The following ENTREP2 variants were observed in gnomAD, a reference collection of about 807,000 sequenced individuals.
The protein encoded by ENTREP2 is endosomal transmembrane epsin interactor 2, also known as protein ENTREP2.
chr15:29,299,734 CTCATGAGGATGTAAGCT>C, the ENTREP2 span, among the ~76,000 whole-genome samples: 2 of 152,082 alleles, frequency 1.3e-5, no homozygotes, highest in Non-Finnish European at 2.9e-5. Flanking sequence ...TATGTCTTCC[CTCATGAGGATGTAAGCT>C]TCATGAGGCA....
chr15:29,358,660 T>C, the ENTREP2 span, among the ~76,000 whole-genome samples: 1 of 151,888 alleles, frequency 6.6e-6, no homozygotes, highest in Non-Finnish European at 1.5e-5. Context: ...ATTTTAAACA[T>C]AACTGTCAGT....
chr15:29,619,802 A>C, the ENTREP2 span, among the ~76,000 whole-genome samples: 1 of 150,232 alleles, frequency 6.7e-6, no homozygotes, highest in Non-Finnish European at 1.5e-5. Context: ...TCATCCTCCC[A>C]CTCCTGGCCA....
the ENTREP2 span, among the ~76,000 whole-genome samples, chr15:29,215,162 G>T: frequency 6.6e-6 from 1 of 152,136 alleles, no homozygotes; most frequent in Non-Finnish European, 1.5e-5. Flanking sequence ...ATATTTTCCG[G>T]TTGGACAAGG....
chr15:29,297,165 C>T, the ENTREP2 span, among the ~76,000 whole-genome samples: 2 of 152,122 alleles, frequency 1.3e-5, no homozygotes, highest in Non-Finnish European at 2.9e-5. Context: ...AGACACTCAG[C>T]CGTATCACAT....
the ENTREP2 span, among the ~76,000 whole-genome samples, chr15:29,667,042 G>T: frequency 3.1e-4 from 47 of 152,142 alleles, no homozygotes; most frequent in East Asian, 8.1e-3. Context: ...TTCTTATAAA[G>T]ACACCAGTCA....
At chr15:29,183,474 T>A in the ENTREP2 span, among the ~76,000 whole-genome samples, 1 of 152,020 alleles carries the variant, frequency 6.6e-6, no homozygotes, top group East Asian at 1.9e-4. Context: ...CGCTGCCGAG[T>A]GCACATCACT....
chr15:29,206,795 C>T, the ENTREP2 span, among the ~76,000 whole-genome samples: 2 of 152,118 alleles, frequency 1.3e-5, no homozygotes, highest in Non-Finnish European at 2.9e-5. Flanking sequence ...TTGTATGATA[C>T]GTGAATTATA....
the ENTREP2 span, among the ~76,000 whole-genome samples, chr15:29,662,166 G>A: frequency 1.4e-5 from 2 of 141,606 alleles, no homozygotes; most frequent in Non-Finnish European, 3.0e-5. Context: ...AGCCAATATC[G>A]TGCAACCGCA....
the ENTREP2 span, among the ~76,000 whole-genome samples, chr15:29,118,994 T>C: frequency 6.6e-6 from 1 of 152,158 alleles, no homozygotes; most frequent in Non-Finnish European, 1.5e-5. Context: ...ACTGACCACC[T>C]TCACGGCCCA....
the ENTREP2 span, among the ~76,000 whole-genome samples, chr15:29,550,137 G>A: frequency 0.34 from 52,107 of 151,984 alleles, 9,128 homozygotes; most frequent in East Asian, 0.42. Flanking sequence ...TCTAGGCCCC[G>A]ACTCTGTCAA....
chr15:29,336,539 G>C, the ENTREP2 span, among the ~76,000 whole-genome samples: 1 of 152,210 alleles, frequency 6.6e-6, no homozygotes, highest in African/African-American at 2.4e-5. Flanking sequence ...TGAAACTCAT[G>C]AGCTCATGTG....
At chr15:29,600,902 CTTT>C in the ENTREP2 span, among the ~76,000 whole-genome samples, 1 of 123,616 alleles carries the variant, frequency 8.1e-6, no homozygotes, top group Non-Finnish European at 1.6e-5. Context: ...ATTTTTCTTT[CTTT>C]TTTTTTTTTT....
At chr15:29,329,219 C>T in the ENTREP2 span, among the ~76,000 whole-genome samples, 8 of 151,538 alleles carry the variant, frequency 5.3e-5, no homozygotes, top group Non-Finnish European at 1.0e-4. Context: ...AAAAATTAGC[C>T]GGGCATGGTG....
At chr15:29,263,631 G>A in the ENTREP2 span, among the ~76,000 whole-genome samples, 4 of 152,202 alleles carry the variant, frequency 2.6e-5, no homozygotes, top group South Asian at 2.1e-4. Flanking sequence ...TACACACAGC[G>A]GTGCTGTATT....
the ENTREP2 span, among the ~76,000 whole-genome samples, chr15:29,583,810 G>A: frequency 6.6e-6 from 1 of 152,284 alleles, no homozygotes; most frequent in South Asian, 2.1e-4. Flanking sequence ...TATAGATGGT[G>A]AGCACTGATA....
chr15:29,329,136 G>T, the ENTREP2 span, among the ~76,000 whole-genome samples: 1 of 152,140 alleles, frequency 6.6e-6, no homozygotes, highest in Non-Finnish European at 1.5e-5. Flanking sequence ...GCCGAGGCGG[G>T]TGGATCACGA....
chr15:29,222,695 C>G, the ENTREP2 span, among the ~76,000 whole-genome samples: 1 of 152,110 alleles, frequency 6.6e-6, no homozygotes, highest in Non-Finnish European at 1.5e-5. Flanking sequence ...AGGAGAGGTT[C>G]AGGGGCCTGC....
chr15:29,349,910 AAAT>A, the ENTREP2 span, among the ~76,000 whole-genome samples: 6 of 152,064 alleles, frequency 3.9e-5, no homozygotes, highest in Non-Finnish European at 8.8e-5. Context: ...AAAATAAATT[AAAT>A]AAATAAAAAT....
At chr15:29,223,450 T>C in the ENTREP2 span, among the ~76,000 whole-genome samples, 2 of 152,126 alleles carry the variant, frequency 1.3e-5, no homozygotes, top group Non-Finnish European at 2.9e-5. Flanking sequence ...TGCTGTCATA[T>C]CTGCACCTGT....
Sources: gnomAD v4.1 joint callset for allele counts (sites outside exome capture counted in the v4.1 genomes callset) on GRCh38, gnomAD v4.1.1 for gene constraint, MANE v1.5 for transcripts, NCBI Gene and HGNC (gene_info 2026-07-23, HGNC 2026-07-21) for gene names.